The following DMD variants were observed in gnomAD, a reference collection of about 807,000 sequenced individuals.
The protein encoded by DMD is dystrophin.
DMD carries 63 observed loss-of-function variants against 330.1 expected under a neutral mutation model. That is an observed-to-expected ratio of 0.19 (90% confidence interval 0.16 to 0.24). The LOEUF is 0.24. Among genes scored for constraint, DMD ranks in the 10% least tolerant of loss-of-function variants. The pLI is 1.00. For synonymous variants in DMD, 1,223 were observed against 959.8 expected (o/e 1.27, Z -5.07); for missense variants, 3,344 against 2,684.1 (o/e 1.25, Z -5.43).
intron 52 of DMD, among the ~76,000 whole-genome samples, chrX:31,681,421 A>G (rs1371750828): frequency 2.7e-5 from 3 of 112,614 alleles, no homozygotes; most frequent in Non-Finnish European, 5.6e-5. Flanking sequence ...AAAGCAGAGA[A>G]TTGGAATGAG....
chrX:31,704,633 T>C (rs925501467), intron 52 of DMD, among the ~76,000 whole-genome samples: 1 of 111,747 alleles, frequency 8.9e-6, no homozygotes, highest in Non-Finnish European at 1.9e-5. Flanking sequence ...CCTATCCTTT[T>C]AAAACATATA....
chrX:32,695,086 G>C (rs1482884492), intron 9 of DMD, among the ~76,000 whole-genome samples: 4 of 112,364 alleles, frequency 3.6e-5, no homozygotes, highest in Non-Finnish European at 7.5e-5. Flanking sequence ...ACAGTACCTG[G>C]CACATAATAG....
At chrX:32,388,492 T>TTATAAAGTATAATTATAAA (rs1327648576) in intron 32 of DMD, among the ~76,000 whole-genome samples, 1 of 109,464 alleles carries the variant, frequency 9.1e-6, no homozygotes, top group Non-Finnish European at 1.9e-5. Flanking sequence ...ACCACTAAAA[T>TTATAAAGTATAATTATAAA]GCAGCTTGAA....
At chrX:31,992,399 C>T (rs2095556886) in intron 44 of DMD, among the ~76,000 whole-genome samples, 1 of 111,296 alleles carries the variant, frequency 9.0e-6, no homozygotes, top group Admixed American at 9.6e-5. Context: ...CATGAGCAGG[C>T]CATTAAAACT....
At chrX:32,144,834 A>C (rs757804120) in intron 44 of DMD, among the ~76,000 whole-genome samples, 1 of 111,082 alleles carries the variant, frequency 9.0e-6, no homozygotes, top group Non-Finnish European at 1.9e-5. Flanking sequence ...GGAGTTCGAG[A>C]CCAGCCTGGC....
chrX:31,852,529 T>C (rs111812510), intron 48 of DMD, among the ~76,000 whole-genome samples: 15 of 111,240 alleles, frequency 1.3e-4, no homozygotes, highest in African/African-American at 4.6e-4. Context: ...CTAGCATGAA[T>C]TGACTATTTC....
chrX:32,992,906 C>CAAAAAAAAAAAAAAAAAA (rs34177386), intron 2 of DMD, among the ~76,000 whole-genome samples: 1 of 35,512 alleles, frequency 2.8e-5, no homozygotes, highest in African/African-American at 8.7e-5. Flanking sequence ...AGCTCTGTCT[C>CAAAAAAAAAAAAAAAAAA]AAAAAAAAAA....
At chrX:32,464,354 T>C (rs2098393870) in intron 24 of DMD, among the ~76,000 whole-genome samples, 1 of 110,592 alleles carries the variant, frequency 9.0e-6, no homozygotes, top group African/African-American at 3.3e-5. Flanking sequence ...TGGAGGAATG[T>C]TCTATGGACT....
At chrX:32,383,291 T>C (rs1045720645) in intron 33 of DMD, among the ~76,000 whole-genome samples, 2 of 110,999 alleles carry the variant, frequency 1.8e-5, no homozygotes, top group Admixed American at 9.6e-5. Flanking sequence ...TATTGTGTTA[T>C]GGCAGCCAGA....
Position 32,894,422 on chromosome X carries a change from T to C in DMD, c.94-44602A>G, listed in dbSNP as rs750404341. 3.5e-5 allele frequency among the ~76,000 whole-genome samples: 4 copies of C among 112,714 alleles called. No individual in the cohort carries two copies. The East Asian group carries it at 8.5e-4, about 24-fold the overall frequency. The stretch of plus-strand genomic sequence containing the variant: ...TCCAGTGGTGGCAGACTGGACAAGA[T>C]AGCCTCGCAGCACAGTGGTAGTGAT... On this transcript the variant is annotated intron_variant, in intron 2 of 78. Transcript: ENST00000357033.
chrX:32,454,155 A>T (rs1397159677), intron 26 of DMD, among the ~76,000 whole-genome samples: 1 of 111,211 alleles, frequency 9.0e-6, no homozygotes, highest in Non-Finnish European at 1.9e-5. Context: ...AGTCAATGTT[A>T]TATTTTGTCC....
intron 4 of DMD, among the ~76,000 whole-genome samples, chrX:32,826,416 G>A (rs1043189259): frequency 4.5e-5 from 5 of 111,230 alleles, no homozygotes; most frequent in Non-Finnish European, 9.4e-5. Flanking sequence ...TCAAAATAGC[G>A]AAGATAGGAA....
chrX:31,629,477 G>A (rs370690021), intron 54 of DMD, among the ~76,000 whole-genome samples: 1 of 111,381 alleles, frequency 9.0e-6, no homozygotes, highest in South Asian at 3.8e-4. Flanking sequence ...TGGAAAAAAG[G>A]AAGCATTGCA....
chrX:31,855,164 A>C (rs2093593836), intron 48 of DMD, among the ~76,000 whole-genome samples: 1 of 101,696 alleles, frequency 9.8e-6, no homozygotes, highest in African/African-American at 3.7e-5. Flanking sequence ...CACTTTTATC[A>C]CGCTATGTCT....
chrX:31,181,961 G>T (rs917262989), intron 68 of DMD, among the ~76,000 whole-genome samples: 1 of 112,033 alleles, frequency 8.9e-6, no homozygotes, highest in African/African-American at 3.2e-5. Context: ...AATGTTAAGT[G>T]AGATTAATTC....
rs143184877 is a variant in DMD at position 32,438,342 on chromosome X, G to A, written c.3970C>T (p.Arg1324Cys). The change falls in exon 29 of 79, where the codon CGC becomes TGC. Residue 1324 changes from arginine (R) to cysteine (C), a missense_variant. Physicochemically the swap from Arg to Cys is radical, Grantham distance 180 (BLOSUM62 -3). Coordinates refer to ENST00000357033, the MANE Select transcript of DMD (RefSeq NM_004006.3). ...RHSEDNPNQI[R>C]ILAQTLTDGG... ...TCTGTTAGGGTCTGTGCCAATATGC[G>A]AATCTGATTTGGGTTATCCTCTGAA... 3.7e-4 allele frequency: 445 copies of A among 1,209,433 alleles called. No individual in the cohort carries two copies. In the African/African-American group the frequency reaches 7.0e-3, roughly 19 times the overall value.
chrX:32,435,030 T>G (rs2098254130), intron 29 of DMD, among the ~76,000 whole-genome samples: 1 of 109,214 alleles, frequency 9.2e-6, no homozygotes, highest in African/African-American at 3.3e-5. Flanking sequence ...TTTATTGTTA[T>G]TTTAACACTC....
At chrX:32,042,004 CCTCTCT>C (rs745438310) in intron 44 of DMD, among the ~76,000 whole-genome samples, 2 of 70,380 alleles carry the variant, frequency 2.8e-5, no homozygotes, top group Non-Finnish European at 5.3e-5. Context: ...TCCCTTCCTC[CCTCTCT>C]CTCTCTCTCT....
At chrX:31,532,251 T>A (rs762738264) in intron 55 of DMD, among the ~76,000 whole-genome samples, 2,406 of 91,422 alleles carry the variant, frequency 0.026, 129 homozygotes, top group Middle Eastern at 0.046. Flanking sequence ...CGAGTTACCC[T>A]CAAAGGAAAG....
Sources: gnomAD v4.1 joint callset for allele counts (sites outside exome capture counted in the v4.1 genomes callset) on GRCh38, gnomAD v4.1.1 for gene constraint, MANE v1.5 for transcripts, NCBI Gene and HGNC (gene_info 2026-07-23, HGNC 2026-07-21) for gene names.